MAGI1: variants seen among roughly 807,000 people sequenced by gnomAD.
MAGI1 encodes membrane associated guanylate kinase, WW and PDZ domain containing 1, also known as membrane-associated guanylate kinase, WW and PDZ domain-containing protein 1.
Under a neutral mutation model 139.9 loss-of-function variants are expected in MAGI1, and 58 were observed. The observed-to-expected ratio is 0.41, with a 90% CI of 0.34 to 0.52. The LOEUF (loss-of-function observed/expected upper bound fraction) is 0.52, where lower values mean the gene tolerates loss of function less well. Ranked by LOEUF, MAGI1 falls within the 20% of genes least tolerant of loss-of-function variation. The probability of loss-of-function intolerance (pLI) is 0.12; values close to 1 mark genes in which losing one functional copy is unlikely to be tolerated. For synonymous variants in MAGI1, 812 were observed against 737.9 expected, an observed-to-expected ratio of 1.10 and a Z score of -1.63; for missense variants, 1,874 against 1,901.6, an observed-to-expected ratio of 0.99 and a Z score of 0.27.
At chr3:65,690,503 G>T (rs1337441579) in intron 1 of MAGI1, among the ~76,000 whole-genome samples, 1 of 152,004 alleles carries the variant, frequency 6.6e-6, no homozygotes, top group Non-Finnish European at 1.5e-5. Context: ...TTGAGACACA[G>T]TCTTGCTATG....
chr3:65,412,964 A>G (rs1451288416), intron 12 of MAGI1, among the ~76,000 whole-genome samples: 2 of 152,200 alleles, frequency 1.3e-5, no homozygotes, highest in African/African-American at 2.4e-5. Flanking sequence ...TTTGAGATCT[A>G]AATCTTCAGG....
intron 2 of MAGI1, among the ~76,000 whole-genome samples, chr3:65,563,598 G>C (rs1576330592): frequency 2.6e-5 from 4 of 152,288 alleles, no homozygotes; most frequent in African/African-American, 9.6e-5. Flanking sequence ...AACCCAGTGT[G>C]AACTGACCTG....
At chr3:65,870,065 G>T (rs1286063415) in intron 1 of MAGI1, among the ~76,000 whole-genome samples, 2 of 152,116 alleles carry the variant, frequency 1.3e-5, no homozygotes, top group Non-Finnish European at 2.9e-5. Context: ...TTCATTAAAT[G>T]CATTTCCTCT....
intron 1 of MAGI1, among the ~76,000 whole-genome samples, chr3:65,827,265 G>T (rs965977452): frequency 1.3e-5 from 2 of 152,080 alleles, no homozygotes. Flanking sequence ...GAGCCTAAGA[G>T]ACTTTCAGAA....
chr3:65,382,577 G>C (rs1015950255), intron 15 of MAGI1, among the ~76,000 whole-genome samples: 1 of 152,172 alleles, frequency 6.6e-6, no homozygotes, highest in Non-Finnish European at 1.5e-5. Flanking sequence ...TTTATAGTTA[G>C]TGTCTTGCTG....
chr3:65,462,370 T>C lies in MAGI1; in HGVS notation c.959+7913A>G, dbSNP rs141961215. Among the ~76,000 whole-genome samples the C allele has an allele frequency of 6.5e-3, 996 of 152,326 alleles. 10 individuals are homozygous for C. The highest frequency in any genetic ancestry group is 0.011 in the Non-Finnish European group (774 of 68,026). Reference sequence around the variant, plus strand: ...AGTTTTTCCAACACCATTTATTAAATAGGGAATCCTTTCCCCATTGCTTGT... The same window carrying C: ...AGTTTTTCCAACACCATTTATTAAACAGGGAATCCTTTCCCCATTGCTTGT... On this transcript the variant is annotated intron_variant, in intron 5 of 22. Transcript: ENST00000402939.
At chr3:65,748,198 T>A (rs2035857171) in intron 1 of MAGI1, among the ~76,000 whole-genome samples, 1 of 152,220 alleles carries the variant, frequency 6.6e-6, no homozygotes, top group Admixed American at 6.5e-5. Context: ...TCTTATTTTA[T>A]TCCTAAAGGA....
At chr3:65,872,119 G>A (rs368597278) in intron 1 of MAGI1, among the ~76,000 whole-genome samples, 2 of 152,160 alleles carry the variant, frequency 1.3e-5, no homozygotes, top group Non-Finnish European at 2.9e-5. Flanking sequence ...AGCTCATGGG[G>A]TTGTTGTAAA....
At chr3:65,358,959 G>A (rs532044867) in intron 22 of MAGI1, 1 of 993,536 alleles carries the variant, frequency 1.0e-6, no homozygotes, top group Non-Finnish European at 1.6e-6. Flanking sequence ...AAGAACGCAG[G>A]GTGCTCAGAA....
At position 65,868,204 on chromosome 3, in the gene MAGI1, T is replaced by C. The variant is rs866958970; in HGVS notation, c.313+169792A>G. Among the ~76,000 whole-genome samples the C allele has an allele frequency of 2.0e-5, 3 of 152,310 alleles. No individual in the cohort carries two copies. The South Asian group carries it at 6.2e-4, about 32-fold the overall frequency. On this transcript the variant is annotated intron_variant, in intron 1 of 22. Coordinates refer to ENST00000402939, the MANE Select transcript of MAGI1 (RefSeq NM_001033057.2). ...TCACAGCCACCTTGCCAGTGAGGTTTACCTTGAGGCAAAACCTCAAATGAT... is the reference window on the plus strand; with the variant it reads ...TCACAGCCACCTTGCCAGTGAGGTTCACCTTGAGGCAAAACCTCAAATGAT...
intron 1 of MAGI1, among the ~76,000 whole-genome samples, chr3:65,704,005 C>G (rs143080075): frequency 6.2e-4 from 95 of 152,122 alleles, no homozygotes; most frequent in African/African-American, 2.1e-3. Context: ...TCTGAACAAC[C>G]CTTTTTATTG....
At chr3:65,768,021 A>G (rs1006094355) in intron 1 of MAGI1, among the ~76,000 whole-genome samples, 1 of 152,216 alleles carries the variant, frequency 6.6e-6, no homozygotes, top group African/African-American at 2.4e-5. Context: ...CTAAAAGCAA[A>G]TAAGATCTTT....
intron 1 of MAGI1, among the ~76,000 whole-genome samples, chr3:65,779,778 T>A (rs2038780180): frequency 6.6e-6 from 1 of 152,186 alleles, no homozygotes; most frequent in Non-Finnish European, 1.5e-5. Flanking sequence ...CCAAAAAAGA[T>A]CTATCTTTGG....
chr3:65,485,597 T>G (rs1460434591), intron 3 of MAGI1, among the ~76,000 whole-genome samples: 2 of 152,198 alleles, frequency 1.3e-5, no homozygotes, highest in Admixed American at 6.5e-5. Flanking sequence ...CCTGATGTTG[T>G]AGATAGATAA....
chr3:65,563,706 G>A (rs1463162094), intron 2 of MAGI1, among the ~76,000 whole-genome samples: 1 of 152,088 alleles, frequency 6.6e-6, no homozygotes, highest in African/African-American at 2.4e-5. Context: ...GAGTAACCCT[G>A]GGTAAGGTTA....
intron 12 of MAGI1, among the ~76,000 whole-genome samples, chr3:65,411,965 C>A (rs1238778699): frequency 1.3e-5 from 2 of 152,160 alleles, no homozygotes; most frequent in East Asian, 3.9e-4. Context: ...CTGGTCTCTG[C>A]TTTATGGTTT....
intron 1 of MAGI1, among the ~76,000 whole-genome samples, chr3:65,894,780 C>T (rs143337109): frequency 6.6e-6 from 1 of 152,346 alleles, no homozygotes; most frequent in African/African-American, 2.4e-5. Flanking sequence ...AGTTATCACT[C>T]ATCACCATCA....
chr3:65,715,593 G>A (rs1303302574), intron 1 of MAGI1, among the ~76,000 whole-genome samples: 2 of 152,078 alleles, frequency 1.3e-5, no homozygotes, highest in Admixed American at 6.5e-5. Context: ...GGAAGGAAAT[G>A]GCAGGTACAA....
intron 1 of MAGI1, among the ~76,000 whole-genome samples, chr3:65,841,807 G>A (rs552214895): frequency 1.5e-4 from 23 of 152,058 alleles, no homozygotes; most frequent in Admixed American, 3.9e-4. Flanking sequence ...AGGGTTCACA[G>A]GAACCTAACT....
Sources: gnomAD v4.1 joint callset for allele counts (sites outside exome capture counted in the v4.1 genomes callset) on GRCh38, gnomAD v4.1.1 for gene constraint, MANE v1.5 for transcripts, NCBI Gene and HGNC (gene_info 2026-07-23, HGNC 2026-07-21) for gene names.